The following LRRK2 variants were observed in gnomAD, a reference collection of about 807,000 sequenced individuals.
LRRK2 encodes leucine rich repeat kinase 2, also known as leucine-rich repeat serine/threonine-protein kinase 2.
A neutral mutation model predicts 302.6 loss-of-function variants in LRRK2; 203 were observed. The observed-to-expected ratio is 0.67, with a 90% CI of 0.60 to 0.75. The LOEUF (loss-of-function observed/expected upper bound fraction) is 0.75. Ranked by LOEUF, LRRK2 falls within the 30% of genes least tolerant of loss-of-function variation. The probability of loss-of-function intolerance (pLI) is 0.00; values close to 1 mark genes in which losing one functional copy is unlikely to be tolerated. For missense variants in LRRK2, 2,830 were observed against 2,951.0 expected (o/e 0.96, Z 0.95); for synonymous variants, 1,066 against 1,031.9 (o/e 1.03, Z -0.63).
intron 20 of LRRK2, among the ~76,000 whole-genome samples, chr12:40,288,765 T>C (rs563703986): frequency 6.6e-6 from 1 of 152,078 alleles, no homozygotes; most frequent in African/African-American, 2.4e-5. Flanking sequence ...TTGCTTTTAA[T>C]TGGGTTGTCT....
In LRRK2 at chr12:40,363,395, T is replaced by C; in HGVS notation, c.7029-7T>C. 6.2e-7 allele frequency: 1 copy of C among 1,609,916 alleles called. No individual in the cohort carries two copies. The highest frequency in any genetic ancestry group is 8.5e-7 in the Non-Finnish European group (1 of 1,177,648). On this transcript the variant is annotated splice_polypyrimidine_tract_variant and splice_region_variant and intron_variant, in intron 47 of 50. Coordinates refer to ENST00000298910, the MANE Select transcript of LRRK2 (RefSeq NM_198578.4). ...AGTGATGACTTTCTATTTTTTTTTC[T>C]CTGTAGGTTTTCTTATGCAGCTTTC... is the stretch of plus-strand genomic sequence containing the variant.
chr12:40,297,338 G>C lies in LRRK2; in HGVS notation c.3097-905G>C, dbSNP rs190878400. Among the ~76,000 whole-genome samples, 24 of 152,212 alleles carry C rather than the reference G, an allele frequency of 1.6e-4. No homozygotes were observed. The East Asian group carries it at 4.6e-3, about 29-fold the overall frequency. Reference sequence around the variant, plus strand: ...TGGACAAGCTCAGAACCTTCTCTTAGGGAAATTTCAAAATGACACCATTAG... The same window carrying C: ...TGGACAAGCTCAGAACCTTCTCTTACGGAAATTTCAAAATGACACCATTAG... On this transcript the variant is annotated intron_variant, in intron 23 of 50. Transcript: ENST00000298910.
At chr12:40,363,753 T>C (rs1946789863) in intron 48 of LRRK2, among the ~76,000 whole-genome samples, 199 bp downstream of exon 48, 1 of 152,062 alleles carries the variant, frequency 6.6e-6, no homozygotes, top group Admixed American at 6.6e-5. Context: ...AATAGGCACA[T>C]AATGTGCATA....
intron 7 of LRRK2, among the ~76,000 whole-genome samples, chr12:40,245,630 A>C (rs1042038362): frequency 6.6e-6 from 1 of 152,144 alleles, no homozygotes; most frequent in Non-Finnish European, 1.5e-5. Flanking sequence ...TATGTGGATC[A>C]TTTTAAGAAG....
intron 20 of LRRK2, among the ~76,000 whole-genome samples, chr12:40,288,900 T>G (rs1944035484): frequency 6.6e-6 from 1 of 151,966 alleles, no homozygotes; most frequent in African/African-American, 2.4e-5. Context: ...AAAACAGAGG[T>G]TTTAAATCTT....
At chr12:40,253,798 G>A (rs970470845) in intron 11 of LRRK2, among the ~76,000 whole-genome samples, 9 of 152,314 alleles carry the variant, frequency 5.9e-5, no homozygotes, top group Non-Finnish European at 1.0e-4. Flanking sequence ...GGAACCCATA[G>A]TAAACACCAG....
intron 19 of LRRK2, 32 bp downstream of exon 19, chr12:40,284,165 C>G (rs1335156946): frequency 6.4e-7 from 1 of 1,564,758 alleles, no homozygotes. Context: ...TTTTACAATT[C>G]TTATTTTTAA....
chr12:40,347,789 CCT>C (rs920644921), intron 42 of LRRK2, among the ~76,000 whole-genome samples: 52 of 152,234 alleles, frequency 3.4e-4, no homozygotes, highest in African/African-American at 1.2e-3. Flanking sequence ...ATGGTGAAAC[CCT>C]GTCTCTACTA....
rs1219508420 is a variant in LRRK2 at position 40,367,981 on chromosome 12, A to C, written c.*216A>C. On this transcript the variant is annotated 3_prime_UTR_variant, in exon 51 of 51. Transcript: ENST00000298910. Reference sequence around the variant, plus strand: ...TTTAAAACACAATGTTATATTTCTTATAAATACCAGTTACTTTCGTTCATT... The same window carrying C: ...TTTAAAACACAATGTTATATTTCTTCTAAATACCAGTTACTTTCGTTCATT... The C allele has an allele frequency of 3.3e-6, 1 of 307,346 alleles. No homozygotes were observed. The highest frequency in any genetic ancestry group is 2.2e-5 in the African/African-American group (1 of 45,774). 19.0% of individuals were successfully genotyped at this position (307,346 alleles called of 1,614,324 possible).
rs772964685 is a variant in LRRK2, at chr12:40,308,508, G to A, written c.4001G>A (p.Arg1334Gln). 118 of 1,613,714 alleles carry A rather than the reference G, an allele frequency of 7.3e-5. No individual in the cohort carries two copies. Among genetic ancestry groups the A allele is most frequent in the Non-Finnish European group, 9.8e-5 (116 of 1,179,924 alleles). The change falls in exon 29 of 51, where the codon CGA becomes CAA. Residue 1334 changes from arginine to glutamine, a missense_variant. Physicochemically the swap from Arg to Gln is conservative, Grantham distance 43. Around this residue, in one of 3 missense-constraint regions of LRRK2, gnomAD observed 2,121 missense variants for 2,148.0 expected, o/e 0.99. Transcript: ENST00000298910. ...TTAAAAAAGGCTGTGCCTTATAACCGAATGAAACTTATGATTGTGGGAAAT... is the reference window on the plus strand; with the variant it reads ...TTAAAAAAGGCTGTGCCTTATAACCAAATGAAACTTATGATTGTGGGAAAT... ...QRLKKAVPYN[R>Q]MKLMIVGNTG...
At chr12:40,359,131 T>C (rs970003075) in intron 46 of LRRK2, 129 bp from the exon 47 acceptor site, 7 of 798,462 alleles carry the variant, frequency 8.8e-6, no homozygotes, top group Non-Finnish European at 1.4e-5. Context: ...CTTTAGGTTT[T>C]TGAGTTTTAA....
rs746064214 is a variant in LRRK2 at position 40,320,186 on chromosome 12, C to T, written c.5015+11C>T. 1.2e-6 allele frequency: 2 copies of T among 1,607,360 alleles called. No homozygotes were observed. Among genetic ancestry groups the T allele is most frequent in the Admixed American group, 1.7e-5 (1 of 59,694 alleles). ...GCTGGTTCCAAGCAGGTAAAGAAAACCTTAAAAAATTAATTGCTACATGGA... is the reference window on the plus strand; with the variant it reads ...GCTGGTTCCAAGCAGGTAAAGAAAATCTTAAAAAATTAATTGCTACATGGA... On this transcript the variant is annotated intron_variant, in intron 34 of 50. Transcript: ENST00000298910.
chr12:40,270,812 A>C (rs1177566694), intron 14 of LRRK2, among the ~76,000 whole-genome samples: 1 of 152,146 alleles, frequency 6.6e-6, no homozygotes, highest in African/African-American at 2.4e-5. Context: ...ACGAATACAT[A>C]TACATGGTAA....
At position 40,321,298 on chromosome 12, in the gene LRRK2, C is replaced by T. The variant is rs1945393559; in HGVS notation, c.5170+110C>T. 4 of 1,086,580 alleles carry T rather than the reference C, an allele frequency of 3.7e-6. No homozygotes were observed. The Admixed American group carries it at 9.2e-5, about 25-fold the overall frequency. The allele number at this position is 1,086,580 out of a possible 1,614,324, so 67.3% of individuals were successfully genotyped here. A position where few individuals can be genotyped will look rare whatever the true frequency, so the allele number is the denominator to read the frequency against. ...TATGAAAAGTAATATGCCATTTTCT[C>T]AGAGTTTACTTGTTTGGAAGGCAGC... On this transcript the variant is annotated intron_variant, in intron 35 of 50. Coordinates refer to ENST00000298910, the MANE Select transcript of LRRK2 (RefSeq NM_198578.4).
At chr12:40,291,953 A>C (rs1944175466) in intron 20 of LRRK2, among the ~76,000 whole-genome samples, 1 of 152,104 alleles carries the variant, frequency 6.6e-6, no homozygotes, top group Admixed American at 6.6e-5. Flanking sequence ...TAAAGTAACC[A>C]CTTTATATTA....
chr12:40,346,752 G>C lies in LRRK2; in HGVS notation c.6110-1G>C. 6.2e-7 allele frequency: 1 copy of C among 1,613,684 alleles called. No individual in the cohort carries two copies. The highest frequency in any genetic ancestry group is 8.5e-7 in the Non-Finnish European group (1 of 1,179,812). On this transcript the variant is annotated splice_acceptor_variant, in intron 41 of 50. Coordinates refer to ENST00000298910, the MANE Select transcript of LRRK2 (RefSeq NM_198578.4). LOFTEE classifies it high-confidence loss of function. ...TTATTATTTTATCTGCTTACTTTCA[G>C]GGTTTCGTGCACCTGAAGTTGCCAG...
chr12:40,325,446 T>C (rs1592290449), intron 38 of LRRK2, among the ~76,000 whole-genome samples: 1 of 152,218 alleles, frequency 6.6e-6, no homozygotes, highest in African/African-American at 2.4e-5. Context: ...CTTTGAGCTG[T>C]TGCCATTTTG....
At chr12:40,356,501 A>G (rs201307503) in intron 46 of LRRK2, among the ~76,000 whole-genome samples, 1 of 149,686 alleles carries the variant, frequency 6.7e-6, no homozygotes, top group African/African-American at 2.5e-5. Flanking sequence ...TGGAAAAAAA[A>G]CAAAAATATA....
At chr12:40,298,891 TATATATATACTATATATAATACTTA>T (rs1423868896) in intron 24 of LRRK2, among the ~76,000 whole-genome samples, 193 bp from the exon 25 acceptor site, 3 of 125,296 alleles carry the variant, frequency 2.4e-5, no homozygotes, top group African/African-American at 6.0e-5. Context: ...TAATACTTAT[TATATATATACTATATATAATACTTA>T]TTATATATAT....
Sources: gnomAD v4.1 joint callset for allele counts (sites outside exome capture counted in the v4.1 genomes callset) on GRCh38, gnomAD v4.1.1 for gene constraint, gnomAD v4.1.1 regional missense constraint, MANE v1.5 for transcripts, NCBI Gene and HGNC (gene_info 2026-07-23, HGNC 2026-07-21) for gene names.